Variants in WNT3A observed in about 807,000 individuals in gnomAD.
WNT3A encodes the protein protein Wnt-3a.
WNT3A carries 17 observed loss-of-function variants against 37.0 expected under a neutral mutation model. The observed-to-expected ratio is 0.46, with a 90% CI of 0.31 to 0.69. The LOEUF is 0.69. Among genes scored for constraint, WNT3A ranks in the 30% least tolerant of loss-of-function variants. WNT3A has a pLI of 0.05. For synonymous variants in WNT3A, 187 were observed against 211.0 expected (o/e 0.89, Z 0.99); for missense variants, 411 against 510.2 (o/e 0.81, Z 1.87).
rs1042303217 is a variant in WNT3A at position 228,031,123 on chromosome 1, C to A, written c.313+8215C>A. On this transcript the variant is annotated intron_variant, in intron 2 of 3. Transcript: ENST00000284523. This position sits in a 1 kb window ranked among gnomAD's most constrained non-coding sequence, Gnocchi z 4.8. The stretch of plus-strand genomic sequence containing the variant: ...TCATCACGGGCCTGTGTTCTTCAGG[C>A]GTGGGGAAGGCACCGTGGGGCAGAG... Among the ~76,000 whole-genome samples the A allele has an allele frequency of 6.6e-6, 1 of 152,170 alleles. No homozygotes were observed. Among genetic ancestry groups the A allele is most frequent in the African/African-American group, 2.4e-5 (1 of 41,450 alleles).
At chr1:228,036,044 CAG>C (rs1371986781) in intron 2 of WNT3A, among the ~76,000 whole-genome samples, 1 of 152,172 alleles carries the variant, frequency 6.6e-6, no homozygotes, top group Non-Finnish European at 1.5e-5. Flanking sequence ...CCGGGTGCCT[CAG>C]AGAGAGGCCT....
Position 228,058,327 on chromosome 1 carries a change from C to T in WNT3A, c.580-659C>T, listed in dbSNP as rs767093707. On this transcript the variant is annotated intron_variant, in intron 3 of 3. Coordinates refer to ENST00000284523, the MANE Select transcript of WNT3A (RefSeq NM_033131.4). ...AGTGGCTGCCACAGTGCAGTGCCAC[C>T]TAGACTGTTCTGATGTTCACATGCC... Among the ~76,000 whole-genome samples the T allele has an allele frequency of 2.9e-4, 44 of 152,318 alleles. No homozygotes were observed. The Middle Eastern group carries it at 0.01, about 35-fold the overall frequency.
intron 1 of WNT3A, among the ~76,000 whole-genome samples, chr1:228,021,413 C>T (rs865895043): frequency 2.6e-5 from 4 of 152,322 alleles, no homozygotes; most frequent in South Asian, 2.1e-4. Flanking sequence ...TGACCTCTCC[C>T]GCGGATGAGT....
chr1:228,008,485 A>C lies in WNT3A; in HGVS notation c.71+1286A>C, dbSNP rs528520624. ...CCTAGGCAGCTGAAGGGCCTGGAAG[A>C]GGCCACGAGGCCGCGGGGACGCGCT... On this transcript the variant is annotated intron_variant, in intron 1 of 3. Coordinates refer to ENST00000284523, the MANE Select transcript of WNT3A (RefSeq NM_033131.4). The surrounding 1 kb of genome is among the most constrained non-coding windows in gnomAD (Gnocchi z 4.9). Among the ~76,000 whole-genome samples the C allele has an allele frequency of 1.9e-4, 29 of 152,300 alleles. No homozygotes were observed. In the South Asian group the frequency reaches 5.8e-3, roughly 30 times the overall value.
Position 228,050,787 on chromosome 1 carries a change from G to C in WNT3A, c.445G>C (p.Gly149Arg). ...SSRHQGSPGK[G>R]WKWGGCSEDI... ...CCGCCACCAGGGCTCACCAGGCAAG[G>C]GCTGGAAGTGGGGTGGCTGTAGCGA... Residue 149 changes from glycine to arginine, a missense_variant, in exon 3 of 4, where the codon GGC becomes CGC. Transcript: ENST00000284523. The surrounding 1 kb of genome is among the most constrained non-coding windows in gnomAD (Gnocchi z 5.0). 1 of 1,614,126 alleles carries C rather than the reference G, an allele frequency of 6.2e-7. No homozygotes were observed. The highest frequency in any genetic ancestry group is 8.5e-7 in the Non-Finnish European group (1 of 1,179,994).
At chr1:228,025,797 G>T (rs533861467) in intron 2 of WNT3A, among the ~76,000 whole-genome samples, 1 of 152,264 alleles carries the variant, frequency 6.6e-6, no homozygotes, top group East Asian at 1.9e-4. Context: ...TTGAGACAGT[G>T]TCTGGCTCTG....
intron 1 of WNT3A, among the ~76,000 whole-genome samples, chr1:228,019,508 G>A (rs1269237814): frequency 6.6e-6 from 1 of 152,220 alleles, no homozygotes; most frequent in Non-Finnish European, 1.5e-5. Flanking sequence ...TTCCCTGGCT[G>A]TAAGCTAGGC....
chr1:228,030,229 T>C (rs1360992373), intron 2 of WNT3A, among the ~76,000 whole-genome samples: 1 of 151,844 alleles, frequency 6.6e-6, no homozygotes, highest in Non-Finnish European at 1.5e-5. Flanking sequence ...ACCCTGCCTC[T>C]ACTAAAATAC....
rs994203447 is a variant in WNT3A at position 228,042,266 on chromosome 1, C to A, written c.314-8390C>A. On this transcript the variant is annotated intron_variant, in intron 2 of 3. Transcript: ENST00000284523. The surrounding 1 kb of genome is among the most constrained non-coding windows in gnomAD (Gnocchi z 5.2). ...TGCTGGGATTACAGCTGTGAGCCAC[C>A]GCGCCCAGCCTCTGGAGGATTTTTT... is the stretch of plus-strand genomic sequence containing the variant. Among the ~76,000 whole-genome samples, 14 of 152,102 alleles carry A rather than the reference C, an allele frequency of 9.2e-5. No homozygotes were observed. Among genetic ancestry groups the A allele is most frequent in the African/African-American group, 3.4e-4 (14 of 41,404 alleles).
chr1:228,010,540 C>T (rs866172833), intron 1 of WNT3A, among the ~76,000 whole-genome samples: 17 of 152,194 alleles, frequency 1.1e-4, no homozygotes, highest in African/African-American at 3.9e-4. Flanking sequence ...CCATAGCCAC[C>T]GTCGCTGCCT....
intron 3 of WNT3A, among the ~76,000 whole-genome samples, chr1:228,051,376 A>G (rs2031550412): frequency 6.6e-6 from 1 of 152,198 alleles, no homozygotes; most frequent in African/African-American, 2.4e-5. Flanking sequence ...TGGGCAGAGC[A>G]CAGAGTGTAA....
At chr1:228,020,582 C>A (rs2030676327) in intron 1 of WNT3A, among the ~76,000 whole-genome samples, 1 of 152,192 alleles carries the variant, frequency 6.6e-6, no homozygotes, top group African/African-American at 2.4e-5. Context: ...AAAAGACTAC[C>A]CAGCTACCTA....
chr1:228,015,353 A>C (rs2030494991), intron 1 of WNT3A, among the ~76,000 whole-genome samples: 1 of 152,244 alleles, frequency 6.6e-6, no homozygotes, highest in Non-Finnish European at 1.5e-5. Flanking sequence ...CCAATTTTGC[A>C]CAGCCAGAGG....
chr1:228,035,819 T>TA (rs1005282825), intron 2 of WNT3A, among the ~76,000 whole-genome samples: 1 of 152,142 alleles, frequency 6.6e-6, no homozygotes, highest in Admixed American at 6.5e-5. Context: ...CCATCCCACT[T>TA]ACCTCCCCTG....
Position 228,008,697 on chromosome 1 carries a change from G to A in WNT3A, c.71+1498G>A, listed in dbSNP as rs541149320. Among the ~76,000 whole-genome samples the A allele has an allele frequency of 1.4e-4, 21 of 152,252 alleles. 1 individual carries two copies. In the South Asian group the frequency reaches 3.7e-3, roughly 27 times the overall value. On this transcript the variant is annotated intron_variant, in intron 1 of 3. Coordinates refer to ENST00000284523, the MANE Select transcript of WNT3A (RefSeq NM_033131.4). This position sits in a 1 kb window ranked among gnomAD's most constrained non-coding sequence, Gnocchi z 4.9. ...GTCCGAGAGAGCCCCGAGGGCTGCC[G>A]GCTTACGCACCAGGCTTCTAATTAG...
rs949013249 is a variant in WNT3A at position 228,060,885 on chromosome 1, C to G, written c.*1420C>G. ...GGAGGTTTGGGGGGCATCAACCCCC[C>G]GACTGTGCTGCTCGCGAAGGTCCCA... On this transcript the variant is annotated 3_prime_UTR_variant, in exon 4 of 4. Coordinates refer to ENST00000284523, the MANE Select transcript of WNT3A (RefSeq NM_033131.4). 2.6e-5 allele frequency: 4 copies of G among 152,696 alleles called. No individual in the cohort carries two copies. The highest frequency in any genetic ancestry group is 9.6e-5 in the African/African-American group (4 of 41,470). 9.5% of individuals were successfully genotyped at this position (152,696 alleles called of 1,614,324 possible).
Position 228,039,858 on chromosome 1 carries a change from C to T in WNT3A, c.314-10798C>T, listed in dbSNP as rs968770992. Among the ~76,000 whole-genome samples, 1 of 152,170 alleles carries T rather than the reference C, an allele frequency of 6.6e-6. No individual in the cohort carries two copies. The highest frequency in any genetic ancestry group is 1.5e-5 in the Non-Finnish European group (1 of 68,028). On this transcript the variant is annotated intron_variant, in intron 2 of 3. Coordinates refer to ENST00000284523, the MANE Select transcript of WNT3A (RefSeq NM_033131.4). This position sits in a 1 kb window ranked among gnomAD's most constrained non-coding sequence, Gnocchi z 4.1. ...CCCCGAGGAGCTGGATTTCATTGTCCTATGGTCGCATTTAACAACAATCCC... is the reference window on the plus strand; with the variant it reads ...CCCCGAGGAGCTGGATTTCATTGTCTTATGGTCGCATTTAACAACAATCCC...
intron 2 of WNT3A, among the ~76,000 whole-genome samples, chr1:228,046,312 G>T (rs1571811004): frequency 1.3e-5 from 2 of 151,186 alleles, no homozygotes; most frequent in African/African-American, 2.4e-5. Context: ...CATGTGGAGG[G>T]GTGTGTGTGT....
chr1:228,021,693 G>GATGTACCCCTAGTACATCAGGC (rs1467557737), intron 1 of WNT3A, among the ~76,000 whole-genome samples: 2 of 152,222 alleles, frequency 1.3e-5, no homozygotes, highest in African/African-American at 4.8e-5. Context: ...GGGGTACATA[G>GATGTACCCCTAGTACATCAGGC]CCAAAAGTGG....
Sources: gnomAD v4.1 joint callset for allele counts (sites outside exome capture counted in the v4.1 genomes callset) on GRCh38, gnomAD v4.1.1 for gene constraint, Gnocchi (gnomAD v3.1) non-coding constraint, MANE v1.5 for transcripts, NCBI Gene and HGNC (gene_info 2026-07-23, HGNC 2026-07-21) for gene names.